Variants in SGCZ observed in about 807,000 individuals in gnomAD.
SGCZ encodes zeta-sarcoglycan.
Under a neutral mutation model 41.3 loss-of-function variants are expected in SGCZ, and 40 were observed. The ratio of observed to expected loss-of-function variants is 0.97; its 90% confidence interval spans 0.75 to 1.26. The LOEUF (loss-of-function observed/expected upper bound fraction) is 1.26. Among genes scored for constraint, SGCZ ranks in the 50% most tolerant of loss-of-function variants. The probability of loss-of-function intolerance (pLI) is 0.00; values close to 1 mark genes in which losing one functional copy is unlikely to be tolerated. For missense variants in SGCZ, 552 were observed against 369.8 expected, an observed-to-expected ratio of 1.49 and a Z score of -4.04; for synonymous variants, 206 against 137.5, an observed-to-expected ratio of 1.50 and a Z score of -3.49.
At chr8:15,103,795 G>C (rs1806706948) in intron 1 of SGCZ, among the ~76,000 whole-genome samples, 1 of 152,034 alleles carries the variant, frequency 6.6e-6, no homozygotes. Context: ...TAATGGGAGA[G>C]AAAGAAACAT....
intron 3 of SGCZ, among the ~76,000 whole-genome samples, chr8:14,287,280 G>A (rs990172925): frequency 2.0e-4 from 31 of 151,764 alleles, no homozygotes; most frequent in Admixed American, 5.3e-4. Flanking sequence ...GAAAAAAGGC[G>A]AAAAGGTGGG....
intron 2 of SGCZ, among the ~76,000 whole-genome samples, chr8:14,525,785 G>C (rs1023088460): frequency 6.6e-6 from 1 of 152,136 alleles, no homozygotes; most frequent in African/African-American, 2.4e-5. Context: ...AGAGGTAGCA[G>C]GTTGTAGGAG....
intron 2 of SGCZ, among the ~76,000 whole-genome samples, chr8:14,454,220 G>C (rs1271523478): frequency 6.6e-6 from 1 of 152,120 alleles, no homozygotes; most frequent in Non-Finnish European, 1.5e-5. Context: ...AGGTTGATTG[G>C]TCTGCTTTAC....
chr8:14,820,708 A>G lies in SGCZ; in HGVS notation c.40-265782T>C, dbSNP rs377620502. Among the ~76,000 whole-genome samples the G allele has an allele frequency of 8.5e-5, 13 of 152,134 alleles. No individual in the cohort carries two copies. In the East Asian group the frequency reaches 2.3e-3, roughly 27 times the overall value. On this transcript the variant is annotated intron_variant, in intron 1 of 7. Transcript: ENST00000382080. ...AAAACTTCAGAAAATTTACAATAAC[A>G]TGGAAATTAAACAACTTGTTCCTTT...
At chr8:14,805,930 TC>T (rs1284761554) in intron 1 of SGCZ, among the ~76,000 whole-genome samples, 38 of 150,078 alleles carry the variant, frequency 2.5e-4, no homozygotes, top group African/African-American at 8.8e-4. Context: ...AGAATCTCAC[TC>T]AAAGCCGCTC....
chr8:14,744,122 A>ACAAG (rs1799277218), intron 1 of SGCZ, among the ~76,000 whole-genome samples: 1 of 151,912 alleles, frequency 6.6e-6, no homozygotes, highest in African/African-American at 2.4e-5. Flanking sequence ...AATTTAAAAA[A>ACAAG]CAAACAAACA....
At chr8:14,898,903 G>T (rs1054430754) in intron 1 of SGCZ, among the ~76,000 whole-genome samples, 1 of 152,272 alleles carries the variant, frequency 6.6e-6, no homozygotes, top group African/African-American at 2.4e-5. Context: ...GAGGAAAATT[G>T]TTCTGAGAAA....
intron 2 of SGCZ, among the ~76,000 whole-genome samples, chr8:14,407,465 C>T (rs1047020798): frequency 2.6e-5 from 4 of 152,052 alleles, no homozygotes; most frequent in Non-Finnish European, 5.9e-5. Context: ...AGGATCAGGA[C>T]AAAGGTCTCC....
At chr8:14,866,568 C>T (rs1006841701) in intron 1 of SGCZ, among the ~76,000 whole-genome samples, 5 of 151,984 alleles carry the variant, frequency 3.3e-5, no homozygotes, top group African/African-American at 4.8e-5. Flanking sequence ...CCAGCACTTT[C>T]GGAGGCCAAG....
chr8:14,523,943 A>C (rs1019912752), intron 2 of SGCZ, among the ~76,000 whole-genome samples: 1 of 151,988 alleles, frequency 6.6e-6, no homozygotes, highest in Non-Finnish European at 1.5e-5. Context: ...GATTAATTCT[A>C]ATTTCCCTTT....
chr8:14,846,703 C>CAA (rs56796907), intron 1 of SGCZ, among the ~76,000 whole-genome samples: 2,138 of 19,224 alleles, frequency 0.11, 49 homozygotes, highest in Non-Finnish European at 0.19. Flanking sequence ...CCTTTAAATC[C>CAA]AAAAAAAAAA....
intron 2 of SGCZ, among the ~76,000 whole-genome samples, chr8:14,368,122 G>C (rs1055389833): frequency 2.6e-5 from 4 of 151,922 alleles, no homozygotes; most frequent in African/African-American, 9.7e-5. Flanking sequence ...GTGTACACTG[G>C]GTTTTGGACA....
chr8:14,996,498 C>A (rs1475097196), intron 1 of SGCZ, among the ~76,000 whole-genome samples: 19 of 151,968 alleles, frequency 1.3e-4, no homozygotes, highest in Non-Finnish European at 2.9e-5. Context: ...AACTCTTGAA[C>A]TCAAGTGATC....
chr8:15,175,302 C>A (rs895864033), intron 1 of SGCZ, among the ~76,000 whole-genome samples: 1 of 151,652 alleles, frequency 6.6e-6, no homozygotes, highest in Non-Finnish European at 1.5e-5. Context: ...CAATGACAGA[C>A]TGGATAAAGA....
intron 1 of SGCZ, among the ~76,000 whole-genome samples, chr8:14,864,403 G>GA (rs1803855871): frequency 6.6e-6 from 1 of 152,046 alleles, no homozygotes; most frequent in Non-Finnish European, 1.5e-5. Flanking sequence ...TTATGTCCTT[G>GA]AAAATCTGTC....
At chr8:14,914,055 T>C (rs1485017961) in intron 1 of SGCZ, among the ~76,000 whole-genome samples, 1 of 152,086 alleles carries the variant, frequency 6.6e-6, no homozygotes. Context: ...TACATATGTA[T>C]ATAGATGATC....
intron 3 of SGCZ, among the ~76,000 whole-genome samples, chr8:14,251,794 G>T (rs954009554): frequency 6.6e-6 from 1 of 152,042 alleles, no homozygotes; most frequent in East Asian, 1.9e-4. Context: ...TGTGGCCTGG[G>T]ATACTTTGCC....
rs201093990 is a variant in SGCZ at position 14,440,873 on chromosome 8, G to A, written c.234+113859C>T. Among the ~76,000 whole-genome samples the A allele has an allele frequency of 6.6e-4, 97 of 146,774 alleles. 1 individual carries two copies. Among genetic ancestry groups the A allele is most frequent in the East Asian group, 1.8e-3 (9 of 4,964 alleles). ...TATGTACACACACACACACACACAC[G>A]CACACACATACATGAGTAAGACTAG... On this transcript the variant is annotated intron_variant, in intron 2 of 7. Coordinates refer to ENST00000382080, the MANE Select transcript of SGCZ (RefSeq NM_139167.4).
chr8:14,257,139 G>A (rs1799493405), intron 3 of SGCZ, among the ~76,000 whole-genome samples: 1 of 151,910 alleles, frequency 6.6e-6, no homozygotes, highest in African/African-American at 2.4e-5. Flanking sequence ...GACCCACCTG[G>A]GCAATATGGC....
Sources: allele counts gnomAD v4.1 joint callset (sites outside exome capture counted in the v4.1 genomes callset), GRCh38; gene constraint gnomAD v4.1.1; transcripts MANE v1.5; gene names NCBI Gene and HGNC (gene_info 2026-07-23, HGNC 2026-07-21).